TDRD3: variants seen among roughly 807,000 people sequenced by gnomAD.
TDRD3 encodes the protein tudor domain containing 3.
A neutral mutation model predicts 86.7 loss-of-function variants in TDRD3; 45 were observed. The observed-to-expected ratio is 0.52, with a 90% CI of 0.41 to 0.67. The LOEUF is 0.67. Among genes scored for constraint, TDRD3 ranks in the 30% least tolerant of loss-of-function variants. The pLI is 0.00. For missense variants in TDRD3, 814 were observed against 889.0 expected (o/e 0.92, Z 1.07); for synonymous variants, 298 against 301.7 (o/e 0.99, Z 0.13).
rs1955971876 is a variant in TDRD3, at chr13:60,467,433, AT to A, written c.495+56del. On this transcript the variant is annotated intron_variant, in intron 5 of 13. Transcript: ENST00000377881. Reference sequence around the variant, plus strand: ...GAAACATTACACTCTTTTTTATTGCATTAAAGAGCTCTTTCAATAATGAGTA... The same window carrying A: ...GAAACATTACACTCTTTTTTATTGCATAAAGAGCTCTTTCAATAATGAGTA... 3.0e-5 allele frequency: 47 copies of A among 1,581,748 alleles called. 2 individuals carry two copies. In the South Asian group the frequency reaches 5.4e-4, roughly 18 times the overall value.
intron 7 of TDRD3, among the ~76,000 whole-genome samples, chr13:60,492,484 T>C (rs1956608618): frequency 6.6e-6 from 1 of 152,208 alleles, no homozygotes; most frequent in Admixed American, 6.5e-5. Context: ...TGAGGCTCTG[T>C]GGAAGGTGGA....
intron 3 of TDRD3, among the ~76,000 whole-genome samples, chr13:60,451,820 C>T (rs1411800564): frequency 1.3e-5 from 2 of 152,068 alleles, no homozygotes; most frequent in African/African-American, 4.8e-5. Flanking sequence ...CATTATTCTT[C>T]CTTAGGCTAT....
intron 10 of TDRD3, among the ~76,000 whole-genome samples, chr13:60,526,109 T>C (rs1291631944): frequency 6.6e-6 from 1 of 152,170 alleles, no homozygotes; most frequent in Non-Finnish European, 1.5e-5. Context: ...GATGACTTAA[T>C]ATTTTCTCTT....
chr13:60,537,236 G>A (rs1957715171), intron 12 of TDRD3: 1 of 151,896 alleles, frequency 6.6e-6, no homozygotes, highest in Non-Finnish European at 1.5e-5. Flanking sequence ...AATTTGCGTA[G>A]GTTACTATAA....
chr13:60,418,075 C>T (rs2137856724), intron 1 of TDRD3, among the ~76,000 whole-genome samples: 1 of 152,104 alleles, frequency 6.6e-6, no homozygotes, highest in East Asian at 1.9e-4. Context: ...GATCTTTTGT[C>T]ACCTACAGGA....
chr13:60,450,946 G>A (rs1283860315), intron 3 of TDRD3, among the ~76,000 whole-genome samples: 1 of 151,796 alleles, frequency 6.6e-6, no homozygotes, highest in Admixed American at 6.6e-5. Flanking sequence ...ATAGCTCTAC[G>A]GTACATACAC....
intron 1 of TDRD3, among the ~76,000 whole-genome samples, chr13:60,405,289 AG>A (rs964738720): frequency 2.0e-5 from 3 of 152,078 alleles, no homozygotes; most frequent in African/African-American, 7.2e-5. Context: ...ATTCTTAAAC[AG>A]CATATTGTGG....
Position 60,563,460 on chromosome 13 carries a change from G to C in TDRD3, c.2119-4065G>C, listed in dbSNP as rs148229192. The stretch of plus-strand genomic sequence containing the variant: ...CTTTTCCAGGCTGCTCTGATACTTA[G>C]GAGTAGGAAGTGTCATTTGCCTAGC... On this transcript the variant is annotated intron_variant, in intron 12 of 13. Coordinates refer to ENST00000377881, the MANE Select transcript of TDRD3 (RefSeq NM_001146070.2). 4.9e-3 allele frequency among the ~76,000 whole-genome samples: 752 copies of C among 152,252 alleles called. 3 individuals carry two copies. Among genetic ancestry groups the C allele is most frequent in the Middle Eastern group, 0.024 (7 of 294 alleles).
chr13:60,441,114 A>G (rs567239714), intron 2 of TDRD3, among the ~76,000 whole-genome samples: 2 of 152,242 alleles, frequency 1.3e-5, no homozygotes, highest in South Asian at 2.1e-4. Flanking sequence ...TAATTTTTTA[A>G]TAATAAGCAT....
chr13:60,520,405 G>A (rs994670124), intron 10 of TDRD3, among the ~76,000 whole-genome samples: 1 of 152,116 alleles, frequency 6.6e-6, no homozygotes, highest in African/African-American at 2.4e-5. Flanking sequence ...AAGTTAAGCA[G>A]GTTTCTAGCC....
chr13:60,541,657 A>AT (rs1176508565), intron 12 of TDRD3, among the ~76,000 whole-genome samples: 3 of 125,618 alleles, frequency 2.4e-5, no homozygotes, highest in Non-Finnish European at 4.8e-5. Context: ...TAATAGATTG[A>AT]TTTTTCATTC....
At chr13:60,536,655 C>T (rs1957702839) in intron 12 of TDRD3, 1 of 152,072 alleles carries the variant, frequency 6.6e-6, no homozygotes. Context: ...ATTGAAAATA[C>T]AATTCTTATG....
chr13:60,538,497 T>C (rs547935103), intron 12 of TDRD3, among the ~76,000 whole-genome samples: 1 of 152,122 alleles, frequency 6.6e-6, no homozygotes, highest in South Asian at 2.1e-4. Context: ...ACTGGATAAA[T>C]GCTCTTATTT....
intron 1 of TDRD3, among the ~76,000 whole-genome samples, chr13:60,398,926 C>T (rs1346029039): frequency 6.6e-6 from 1 of 152,168 alleles, no homozygotes; most frequent in African/African-American, 2.4e-5. Context: ...GCCTTTCTCC[C>T]CATTTCTCAT....
intron 8 of TDRD3, among the ~76,000 whole-genome samples, chr13:60,495,650 A>G (rs1369059399): frequency 6.6e-6 from 1 of 152,056 alleles, no homozygotes; most frequent in Non-Finnish European, 1.5e-5. Flanking sequence ...TTTTTAGTAG[A>G]GACAGGGTTT....
chr13:60,397,452 G>A (rs1566161106), intron 1 of TDRD3, 47 bp downstream of exon 1: 3 of 1,461,888 alleles, frequency 2.1e-6, no homozygotes, highest in African/African-American at 1.5e-5. Flanking sequence ...TGCGGGCCGG[G>A]GCCCCAGGGA....
chr13:60,423,470 C>T (rs1363638923), intron 1 of TDRD3, among the ~76,000 whole-genome samples: 9 of 151,996 alleles, frequency 5.9e-5, no homozygotes, highest in Admixed American at 5.2e-4. Flanking sequence ...TGCTATACCT[C>T]GATAAGAGAA....
At chr13:60,476,814 A>G (rs949390084) in intron 5 of TDRD3, among the ~76,000 whole-genome samples, 6 of 151,916 alleles carry the variant, frequency 3.9e-5, no homozygotes, top group African/African-American at 1.5e-4. Context: ...TATTCTTTTT[A>G]TGGCCATTGT....
rs568097452 is a variant in TDRD3, at chr13:60,516,679, G to A, written c.1141+5924G>A. 5.3e-5 allele frequency among the ~76,000 whole-genome samples: 8 copies of A among 152,236 alleles called. No individual in the cohort carries two copies. In the South Asian group the frequency reaches 1.7e-3, roughly 32 times the overall value. ...CCTATTGTAGGGCTACAAGGTCGTT[G>A]GGAAGATCAAATTAGATAATGTATA... is the stretch of plus-strand genomic sequence containing the variant. On this transcript the variant is annotated intron_variant, in intron 10 of 13. Transcript: ENST00000377881.
Sources: allele counts gnomAD v4.1 joint callset (sites outside exome capture counted in the v4.1 genomes callset), GRCh38; gene constraint gnomAD v4.1.1; transcripts MANE v1.5; gene names NCBI Gene and HGNC (gene_info 2026-07-23, HGNC 2026-07-21).